PHYHIP: variants seen among roughly 807,000 people sequenced by gnomAD.
PHYHIP encodes the protein phytanoyl-CoA hydroxylase-interacting protein.
Under a neutral mutation model 26.1 loss-of-function variants are expected in PHYHIP, and 7 were observed. That is an observed-to-expected ratio of 0.27 (90% CI 0.15 to 0.50). The LOEUF (loss-of-function observed/expected upper bound fraction) is 0.50. PHYHIP is among the 20% of genes least tolerant of loss of function. The pLI, the probability that PHYHIP is intolerant of heterozygous loss-of-function variation, is 0.98. For synonymous variants in PHYHIP, 206 were observed against 183.4 expected (o/e 1.12, Z -1.00); for missense variants, 232 against 454.7 (o/e 0.51, Z 4.45).
At position 22,227,024 on chromosome 8, in the gene PHYHIP, TC is replaced by T; in HGVS notation, c.166del (p.Asp56ThrfsTer15). ...CTTGGCCACGAGCTTGGTGGGGACG[TC>T]CTGAGAAACAGGGTACAAACAGAGA... is the stretch of plus-strand genomic sequence containing the variant. ...NKNSNKFKHR[D>X]VPTKLVAKAV... On this transcript the variant is annotated frameshift_variant and splice_region_variant, in exon 3 of 5. Coordinates refer to ENST00000454243, the MANE Select transcript of PHYHIP (RefSeq NM_014759.5). LOFTEE classifies it high-confidence loss of function. The T allele has an allele frequency of 6.2e-7, 1 of 1,609,714 alleles. No individual in the cohort carries two copies. The highest frequency in any genetic ancestry group is 8.5e-7 in the Non-Finnish European group (1 of 1,178,598).
In PHYHIP at chr8:22,228,281, A is replaced by G; in HGVS notation, c.77T>C (p.Met26Thr). 1 of 1,612,886 alleles carries G rather than the reference A, an allele frequency of 6.2e-7. No individual in the cohort carries two copies. ...GACCCTCTCCAGGTCACTGTCCTCC[A>G]TGGCCCAGGAGATGCGGAAGGAGTC... ...TCDSFRISWA[M>T]EDSDLERVTH... Residue 26 changes from methionine (M) to threonine (T), a missense_variant, in exon 2 of 5, where the codon ATG becomes ACG. Coordinates refer to ENST00000454243, the MANE Select transcript of PHYHIP (RefSeq NM_014759.5).
chr8:22,221,094 G>C lies in PHYHIP; in HGVS notation c.*259C>G. 2 of 460,332 alleles carry C rather than the reference G, an allele frequency of 4.3e-6. No homozygotes were observed. Among genetic ancestry groups the C allele is most frequent in the Non-Finnish European group, 3.9e-6 (1 of 259,526 alleles). 28.5% of individuals were successfully genotyped at this position (460,332 alleles called of 1,614,324 possible). ...TAGGACAAGGAAACCAGAGGAAAGG[G>C]GAAGTTCTCCAGAAGTCCAGCCCAG... is the stretch of plus-strand genomic sequence containing the variant. On this transcript the variant is annotated 3_prime_UTR_variant, in exon 5 of 5. Coordinates refer to ENST00000454243, the MANE Select transcript of PHYHIP (RefSeq NM_014759.5). The surrounding 1 kb of genome is among the most constrained non-coding windows in gnomAD (Gnocchi z 7.9).
chr8:22,229,601 A>G (rs4872429), intron 1 of PHYHIP, among the ~76,000 whole-genome samples: 3 of 152,040 alleles, frequency 2.0e-5, no homozygotes, highest in Non-Finnish European at 4.4e-5. Context: ...GGGAGGGGAC[A>G]GCAGACGTGG....
chr8:22,231,463 G>GCACA lies in PHYHIP; in HGVS notation c.-30+329_-30+332dup, dbSNP rs963327918. Among the ~76,000 whole-genome samples, 53 of 152,246 alleles carry GCACA rather than the reference G, an allele frequency of 3.5e-4. 1 individual carries two copies. Among genetic ancestry groups the GCACA allele is most frequent in the African/African-American group, 1.1e-3 (46 of 41,550 alleles). On this transcript the variant is annotated intron_variant, in intron 1 of 4. Coordinates refer to ENST00000454243, the MANE Select transcript of PHYHIP (RefSeq NM_014759.5). ...AAGCCTCCAGCCAACTCGCGAGCGCGCACACACACACGCCGCGCACACCGG... is the reference window on the plus strand; with the variant it reads ...AAGCCTCCAGCCAACTCGCGAGCGCGCACACACACACACACGCCGCGCACACCGG...
rs1311937593 is a variant in PHYHIP at position 22,231,900 on chromosome 8, C to G, written c.-134G>C. 1.3e-5 allele frequency: 2 copies of G among 152,318 alleles called. No homozygotes were observed. Among genetic ancestry groups the G allele is most frequent in the Non-Finnish European group, 2.9e-5 (2 of 68,122 alleles). 9.4% of individuals were successfully genotyped at this position (152,318 alleles called of 1,614,324 possible). On this transcript the variant is annotated 5_prime_UTR_variant, in exon 1 of 5. It removes the in-frame stop codon of an upstream open reading frame in the 5' UTR. Coordinates refer to ENST00000454243, the MANE Select transcript of PHYHIP (RefSeq NM_014759.5). Reference sequence around the variant, plus strand: ...GGGGACAGCAGCCGGACGCCTGGGTCACGGGCAGTGGCGTGCGCTTGCTCC... The same window carrying G: ...GGGGACAGCAGCCGGACGCCTGGGTGACGGGCAGTGGCGTGCGCTTGCTCC...
At chr8:22,226,073 G>A (rs926802507) in intron 3 of PHYHIP, among the ~76,000 whole-genome samples, 1 of 152,194 alleles carries the variant, frequency 6.6e-6, no homozygotes, top group Non-Finnish European at 1.5e-5. Context: ...CTGTTTGTTT[G>A]TGATGGAGTC....
chr8:22,221,224 AG>A lies in PHYHIP; in HGVS notation c.*128del. On this transcript the variant is annotated 3_prime_UTR_variant, in exon 5 of 5. Coordinates refer to ENST00000454243, the MANE Select transcript of PHYHIP (RefSeq NM_014759.5). This position sits in a 1 kb window ranked among gnomAD's most constrained non-coding sequence, Gnocchi z 7.9. ...CTGTTGCCTCCAATGCCAAGGGGCG[AG>A]GGGAGGGCAGCTGGGCAGAGTGGAG... is the stretch of plus-strand genomic sequence containing the variant. 1.1e-6 allele frequency: 1 copy of A among 874,136 alleles called. No homozygotes were observed. Among genetic ancestry groups the A allele is most frequent in the South Asian group, 1.9e-5 (1 of 52,162 alleles). 54.1% of individuals were successfully genotyped at this position (874,136 alleles called of 1,614,324 possible).
At chr8:22,226,532 C>T (rs967561969) in intron 3 of PHYHIP, among the ~76,000 whole-genome samples, 1 of 152,212 alleles carries the variant, frequency 6.6e-6, no homozygotes, top group African/African-American at 2.4e-5. Flanking sequence ...TTACGTCATG[C>T]ACCTTTGACC....
At position 22,221,803 on chromosome 8, in the gene PHYHIP, C is replaced by G; in HGVS notation, c.543G>C (p.Gly181=). ...HGSPTSGMLH[G]VFFSCNTEFN... ...ACTCCGTGTTGCAGCTGAAGAAGAC[C>G]CCGTGGAGCATACCGCTGGTGGGGG... Residue 181 remains glycine (G), a synonymous_variant, in exon 5 of 5, where the codon GGG becomes GGC. Coordinates refer to ENST00000454243, the MANE Select transcript of PHYHIP (RefSeq NM_014759.5). This position sits in a 1 kb window ranked among gnomAD's most constrained non-coding sequence, Gnocchi z 7.9. The G allele has an allele frequency of 6.2e-7, 1 of 1,607,720 alleles. No homozygotes were observed. Among genetic ancestry groups the G allele is most frequent in the South Asian group, 1.1e-5 (1 of 90,014 alleles).
chr8:22,224,361 CG>C lies in PHYHIP; in HGVS notation c.341-19del, dbSNP rs776405213. On this transcript the variant is annotated intron_variant, in intron 3 of 4. Transcript: ENST00000454243. ...GGCATAATCTGCAAGATCCCAGATG[CG>C]GTAGGTGAGCCGAGGGCCAGCTGAG... is the stretch of plus-strand genomic sequence containing the variant. The C allele has an allele frequency of 1.4e-6, 2 of 1,469,736 alleles. No homozygotes were observed. The highest frequency in any genetic ancestry group is 3.3e-5 in the Admixed American group (2 of 59,754). The allele number at this position is 1,469,736 out of a possible 1,614,324, so 91.0% of individuals were successfully genotyped here.
At position 22,221,296 on chromosome 8, in the gene PHYHIP, C is replaced by G. The variant is rs1008574136; in HGVS notation, c.*57G>C. ...AGAAAGCCAGCTCCCTGAACCTGGG[C>G]TACCCACCTCCACCTTCCGCTCATC... On this transcript the variant is annotated 3_prime_UTR_variant, in exon 5 of 5. Coordinates refer to ENST00000454243, the MANE Select transcript of PHYHIP (RefSeq NM_014759.5). The surrounding 1 kb of genome is among the most constrained non-coding windows in gnomAD (Gnocchi z 7.9). The G allele has an allele frequency of 1.3e-5, 19 of 1,481,710 alleles. No individual in the cohort carries two copies. Among genetic ancestry groups the G allele is most frequent in the Admixed American group, 6.7e-5 (3 of 44,792 alleles). The allele number at this position is 1,481,710 out of a possible 1,614,324, so 91.8% of individuals were successfully genotyped here. A position where few individuals can be genotyped will look rare whatever the true frequency, so the allele number is the denominator to read the frequency against.
Position 22,220,607 on chromosome 8 carries a change from T to C in PHYHIP, c.*746A>G, listed in dbSNP as rs1363630045. The C allele has an allele frequency of 6.6e-6, 1 of 152,214 alleles. No homozygotes were observed. Among genetic ancestry groups the C allele is most frequent in the East Asian group, 1.9e-4 (1 of 5,186 alleles). 9.4% of individuals were successfully genotyped at this position (152,214 alleles called of 1,614,324 possible). A position where few individuals can be genotyped will look rare whatever the true frequency, so the allele number is the denominator to read the frequency against. ...TGGCTGCTGTCTCAGACCCCTGCAC[T>C]CTAAGCAAGGAGAAGGTATGCTGGG... is the stretch of plus-strand genomic sequence containing the variant. On this transcript the variant is annotated 3_prime_UTR_variant, in exon 5 of 5. Coordinates refer to ENST00000454243, the MANE Select transcript of PHYHIP (RefSeq NM_014759.5).
chr8:22,228,353 T>C lies in PHYHIP; in HGVS notation c.5A>G (p.Glu2Gly). The C allele has an allele frequency of 6.3e-7, 1 of 1,590,898 alleles. No homozygotes were observed. The highest frequency in any genetic ancestry group is 8.6e-7 in the Non-Finnish European group (1 of 1,168,418). The change falls in exon 2 of 5, where the codon GAG (glutamate) becomes GGG (glycine). Residue 2 changes from glutamate (E) to glycine (G), a missense_variant. Glu to Gly is a moderately conservative substitution (Grantham distance 98). Transcript: ENST00000454243. ...AATGCTGTGGGGCGTGGACAGCAGC[T>C]CCATGCTCCCGTCAGGGTTGTCTCC... M[E>G]LLSTPHSIEI...
chr8:22,221,656 C>G lies in PHYHIP; in HGVS notation c.690G>C (p.Thr230=), dbSNP rs375706223. 1.2e-6 allele frequency: 2 copies of G among 1,612,938 alleles called. No individual in the cohort carries two copies. The highest frequency in any genetic ancestry group is 1.7e-6 in the Non-Finnish European group (2 of 1,179,610). Residue 230 remains threonine (T), a synonymous_variant, in exon 5 of 5, where the codon ACG becomes ACC. Transcript: ENST00000454243. The surrounding 1 kb of genome is among the most constrained non-coding windows in gnomAD (Gnocchi z 7.9). The part of the protein sequence containing the change: ...LYFADFYCMY[T]AYHYAILVLA... ...GCACCAGGATGGCGTAGTGGTAGGC[C>G]GTGTACATGCAGTAGAAGTCCGCAA... is the stretch of plus-strand genomic sequence containing the variant.
chr8:22,225,318 AT>A (rs1829720507), intron 3 of PHYHIP, among the ~76,000 whole-genome samples: 1 of 152,114 alleles, frequency 6.6e-6, no homozygotes, highest in Non-Finnish European at 1.5e-5. Context: ...CTACAAAAAA[AT>A]ATCAAAAATT....
rs1464555412 is a variant in PHYHIP at position 22,219,825 on chromosome 8, C to G, written c.*1528G>C. ...AGGGCCAGGGGAGGGCAGTGGGCCACCCCCACAGCAATGCTGTCAGCACAG... is the reference window on the plus strand; with the variant it reads ...AGGGCCAGGGGAGGGCAGTGGGCCAGCCCCACAGCAATGCTGTCAGCACAG... On this transcript the variant is annotated 3_prime_UTR_variant, in exon 5 of 5. Coordinates refer to ENST00000454243, the MANE Select transcript of PHYHIP (RefSeq NM_014759.5). 6.5e-6 allele frequency: 1 copy of G among 153,254 alleles called. No homozygotes were observed. Among genetic ancestry groups the G allele is most frequent in the Non-Finnish European group, 1.5e-5 (1 of 68,576 alleles). 9.5% of individuals were successfully genotyped at this position (153,254 alleles called of 1,614,324 possible). A position where few individuals can be genotyped will look rare whatever the true frequency, so the allele number is the denominator to read the frequency against.
chr8:22,228,662 C>T lies in PHYHIP; in HGVS notation c.-29-276G>A, dbSNP rs547499814. 62 of 204,878 alleles carry T rather than the reference C, an allele frequency of 3.0e-4. 1 individual carries two copies. The highest frequency in any genetic ancestry group is 1.5e-4 in the South Asian group (1 of 6,574). 12.7% of individuals were successfully genotyped at this position (204,878 alleles called of 1,614,324 possible). A position where few individuals can be genotyped will look rare whatever the true frequency, so the allele number is the denominator to read the frequency against. ...AGAGGCAGTGGGAATGCTGCAAAGC[C>T]GGGCGGGGACAGATTTGCAGCAGAT... On this transcript the variant is annotated intron_variant, in intron 1 of 4. Coordinates refer to ENST00000454243, the MANE Select transcript of PHYHIP (RefSeq NM_014759.5).
At chr8:22,230,223 A>C in intron 1 of PHYHIP, among the ~76,000 whole-genome samples, 1 of 151,830 alleles carries the variant, frequency 6.6e-6, no homozygotes. Flanking sequence ...ACGCACACAC[A>C]CACACGAACA....
At position 22,221,916 on chromosome 8, in the gene PHYHIP, G is replaced by A. The variant is rs1296273903; in HGVS notation, c.459-29C>T. 3 of 1,470,888 alleles carry A rather than the reference G, an allele frequency of 2.0e-6. No homozygotes were observed. The highest frequency in any genetic ancestry group is 2.8e-5 in the African/African-American group (2 of 71,338). 91.1% of individuals were successfully genotyped at this position (1,470,888 alleles called of 1,614,324 possible). On this transcript the variant is annotated intron_variant, in intron 4 of 4. Coordinates refer to ENST00000454243, the MANE Select transcript of PHYHIP (RefSeq NM_014759.5). The surrounding 1 kb of genome is among the most constrained non-coding windows in gnomAD (Gnocchi z 7.9). Reference sequence around the variant, plus strand: ...CCCACCCCAGGGAGACACACCAAAGGGAAGAGAAGATGTGGCTGGTGAGCC... The same window carrying A: ...CCCACCCCAGGGAGACACACCAAAGAGAAGAGAAGATGTGGCTGGTGAGCC...
Sources: gnomAD v4.1 joint callset for allele counts (sites outside exome capture counted in the v4.1 genomes callset) on GRCh38, gnomAD v4.1.1 for gene constraint, Gnocchi (gnomAD v3.1) non-coding constraint, MANE v1.5 for transcripts, NCBI Gene and HGNC (gene_info 2026-07-23, HGNC 2026-07-21) for gene names.